The following XPO7 variants were observed in gnomAD, a reference collection of about 807,000 sequenced individuals.
XPO7 encodes exportin-7.
A neutral mutation model predicts 144.3 loss-of-function variants in XPO7; 21 were observed. The ratio of observed to expected loss-of-function variants is 0.15; its 90% CI spans 0.10 to 0.21. The LOEUF is 0.21. Ranked by LOEUF, XPO7 falls within the 10% of genes least tolerant of loss-of-function variation. The pLI is 1.00. For missense variants in XPO7, 808 were observed against 1,325.8 expected (o/e 0.61, Z 6.06); for synonymous variants, 580 against 499.6 (o/e 1.16, Z -2.15).
rs544272516 is a variant in XPO7 at position 21,944,076 on chromosome 8, A to G, written c.19-22781A>G. The stretch of plus-strand genomic sequence containing the variant: ...TGTAAAATTTAATATAGTCTCAAAT[A>G]TTCGTTGAATCATTGAGTAACTAGT... On this transcript the variant is annotated intron_variant, in intron 1 of 27. Coordinates refer to ENST00000252512, the MANE Select transcript of XPO7 (RefSeq NM_015024.5). 9.8e-5 allele frequency among the ~76,000 whole-genome samples: 15 copies of G among 152,324 alleles called. No homozygotes were observed. In the South Asian group the frequency reaches 3.1e-3, roughly 32 times the overall value.
At chr8:21,996,204 G>A (rs1303155193) in intron 21 of XPO7, among the ~76,000 whole-genome samples, 1 of 152,168 alleles carries the variant, frequency 6.6e-6, no homozygotes, top group Non-Finnish European at 1.5e-5. Flanking sequence ...TGGGCAGATT[G>A]CGTGAATGCA....
intron 1 of XPO7, among the ~76,000 whole-genome samples, chr8:21,925,159 G>C (rs1810418390): frequency 6.6e-6 from 1 of 152,160 alleles, no homozygotes; most frequent in Admixed American, 6.5e-5. Context: ...TCATTACTAG[G>C]AAATTCTCAA....
chr8:21,980,136 A>C lies in XPO7; in HGVS notation c.890A>C (p.Asn297Thr). Residue 297 changes from asparagine (N) to threonine (T), a missense_variant, in exon 9 of 28, where the codon AAT becomes ACT. Transcript: ENST00000252512. ...TCAGTCAGAAGATCCCTGTTTAACA[A>C]TGCAGAGAGGGCCAAGTTTCTCTCT... Reference protein sequence around the residue: ...IASVRRSLFNNAERAKFLSHL... With the variant: ...IASVRRSLFNTAERAKFLSHL... 6.2e-7 allele frequency: 1 copy of C among 1,606,204 alleles called. No individual in the cohort carries two copies. The highest frequency in any genetic ancestry group is 8.5e-7 in the Non-Finnish European group (1 of 1,175,916).
intron 15 of XPO7, 49 bp from the exon 16 acceptor site, chr8:21,988,954 C>G (rs1000059439): frequency 1.9e-6 from 3 of 1,572,280 alleles, no homozygotes; most frequent in Admixed American, 1.8e-5. Context: ...TCAAGGAAAC[C>G]AGCAAATCAA....
chr8:21,942,078 C>T (rs1260416167), intron 1 of XPO7, among the ~76,000 whole-genome samples: 1 of 152,158 alleles, frequency 6.6e-6, no homozygotes, highest in Non-Finnish European at 1.5e-5. Context: ...TTCCATTGGT[C>T]ATACATTGCA....
chr8:21,990,178 G>A (rs1028005425), intron 16 of XPO7, among the ~76,000 whole-genome samples, 166 bp from the exon 17 acceptor site: 1 of 152,152 alleles, frequency 6.6e-6, no homozygotes, highest in African/African-American at 2.4e-5. Context: ...TGATTAAATA[G>A]TGCTTAGAAG....
intron 1 of XPO7, among the ~76,000 whole-genome samples, chr8:21,963,126 G>T (rs1033261951): frequency 6.6e-6 from 1 of 152,186 alleles, no homozygotes. Context: ...TACAAAATTG[G>T]TAAATCTACT....
At chr8:21,972,503 G>A (rs1039464975) in intron 5 of XPO7, among the ~76,000 whole-genome samples, 1 of 152,086 alleles carries the variant, frequency 6.6e-6, no homozygotes, top group East Asian at 1.9e-4. Flanking sequence ...CTACTGCCTT[G>A]CCCATGAAGG....
At chr8:21,975,858 A>G (rs535846354) in intron 6 of XPO7, among the ~76,000 whole-genome samples, 2 of 152,340 alleles carry the variant, frequency 1.3e-5, no homozygotes, top group Admixed American at 1.3e-4. Flanking sequence ...GGTACATTGC[A>G]ATGAGTAAAT....
In XPO7 at chr8:21,969,497, G is replaced by A; in HGVS notation, c.180G>A (p.Gln60=). Residue 60 remains glutamine (Q), a synonymous_variant, in exon 3 of 28, where the codon CAG becomes CAA. Coordinates refer to ENST00000252512, the MANE Select transcript of XPO7 (RefSeq NM_015024.5). The stretch of plus-strand genomic sequence containing the variant: ...TCTTTTCACAGTCCTCTTACTCCCA[G>A]TTACTGGCAGCTACATGCCTTACCA... ...LLERGSSSYS[Q]LLAATCLTKL... The A allele has an allele frequency of 6.2e-7, 1 of 1,613,562 alleles. No individual in the cohort carries two copies. Among genetic ancestry groups the A allele is most frequent in the East Asian group, 2.2e-5 (1 of 44,860 alleles).
chr8:21,985,572 G>T lies in XPO7; in HGVS notation c.1472-14G>T. The T allele has an allele frequency of 6.2e-7, 1 of 1,613,478 alleles. No individual in the cohort carries two copies. The highest frequency in any genetic ancestry group is 1.1e-5 in the South Asian group (1 of 91,076). On this transcript the variant is annotated splice_polypyrimidine_tract_variant and intron_variant, in intron 12 of 27. Transcript: ENST00000252512. ...TATCACTGGAGGTGACACTGGGTCTGTCTCCTGCTGCAGGAAGGCTGACAT... is the reference window on the plus strand; with the variant it reads ...TATCACTGGAGGTGACACTGGGTCTTTCTCCTGCTGCAGGAAGGCTGACAT...
intron 1 of XPO7, 103 bp downstream of exon 1, chr8:21,919,891 G>A (rs1429334815): frequency 3.9e-5 from 11 of 279,718 alleles, no homozygotes; most frequent in Admixed American, 2.7e-4. Flanking sequence ...GACTCGGCAG[G>A]CCCGCGCCGC....
intron 8 of XPO7, among the ~76,000 whole-genome samples, chr8:21,978,176 A>C (rs1812288384): frequency 6.6e-6 from 1 of 152,156 alleles, no homozygotes; most frequent in Non-Finnish European, 1.5e-5. Context: ...AACTATTAAG[A>C]TTGTCCTGAC....
At chr8:21,996,085 G>C (rs181051659) in intron 21 of XPO7, among the ~76,000 whole-genome samples, 1 of 152,348 alleles carries the variant, frequency 6.6e-6, no homozygotes, top group Non-Finnish European at 1.5e-5. Context: ...AAAGTGCTGG[G>C]ATTACAGGCG....
intron 1 of XPO7, among the ~76,000 whole-genome samples, chr8:21,956,631 C>T (rs1811543314): frequency 7.8e-6 from 1 of 127,472 alleles, no homozygotes; most frequent in African/African-American, 3.3e-5. Flanking sequence ...GCTCTGTTGT[C>T]TGTGAGATTT....
At chr8:21,979,410 G>T (rs553888796) in intron 8 of XPO7, among the ~76,000 whole-genome samples, 139 of 128,900 alleles carry the variant, frequency 1.1e-3, no homozygotes, top group Admixed American at 1.2e-3. Flanking sequence ...TTTTTTTTTC[G>T]TTTTTTTTTG....
intron 19 of XPO7, 30 bp from the exon 20 acceptor site, chr8:21,994,333 A>ATT: frequency 6.3e-7 from 1 of 1,579,216 alleles, no homozygotes; most frequent in African/African-American, 1.3e-5. Context: ...CTTTTCTTCT[A>ATT]TTTTAACACA....
chr8:21,947,427 A>T (rs1811227922), intron 1 of XPO7, among the ~76,000 whole-genome samples: 1 of 152,228 alleles, frequency 6.6e-6, no homozygotes, highest in Admixed American at 6.5e-5. Flanking sequence ...GGTCTGAGGT[A>T]TATTAGTAAT....
At chr8:21,923,164 G>T (rs529691836) in intron 1 of XPO7, among the ~76,000 whole-genome samples, 28 of 152,164 alleles carry the variant, frequency 1.8e-4, no homozygotes, top group Non-Finnish European at 4.1e-4. Context: ...CTTTTTTCCA[G>T]TTCGACTAAT....
Sources: gnomAD v4.1 joint callset for allele counts (sites outside exome capture counted in the v4.1 genomes callset) on GRCh38, gnomAD v4.1.1 for gene constraint, MANE v1.5 for transcripts, NCBI Gene and HGNC (gene_info 2026-07-23, HGNC 2026-07-21) for gene names.